The following RBM19 variants were observed in gnomAD, a reference collection of about 807,000 sequenced individuals.
The protein encoded by RBM19 is probable RNA-binding protein 19.
Under a neutral mutation model 116.8 loss-of-function variants are expected in RBM19, and 94 were observed. The observed-to-expected ratio is 0.80, with a 90% CI of 0.68 to 0.95. The LOEUF (loss-of-function observed/expected upper bound fraction) is 0.95. Ranked by LOEUF, RBM19 falls within the 40% of genes least tolerant of loss-of-function variation. RBM19 has a pLI of 0.00. For synonymous variants in RBM19, 475 were observed against 494.1 expected, an observed-to-expected ratio of 0.96 and a Z score of 0.51; for missense variants, 1,161 against 1,220.7, an observed-to-expected ratio of 0.95 and a Z score of 0.73.
At chr12:113,899,094 T>A (rs1228212444) in intron 21 of RBM19, among the ~76,000 whole-genome samples, 2 of 152,226 alleles carry the variant, frequency 1.3e-5, no homozygotes, top group Admixed American at 1.3e-4. Flanking sequence ...TTGCTCAAGT[T>A]TGAGAAACAC....
At position 113,952,585 on chromosome 12, in the gene RBM19, A is replaced by G. The variant is rs1566039401; in HGVS notation, c.927T>C (p.Asn309=). The change falls in exon 8 of 24, where the codon AAT becomes AAC. Residue 309 remains asparagine (N), a synonymous_variant. Coordinates refer to ENST00000261741, the MANE Select transcript of RBM19 (RefSeq NM_016196.4). ...TCAGGGGTGCCAGGAATTCCATAAC[A>G]TTTTTCTGTGAGAAGAAGTTTTTTT... The part of the protein sequence containing the change: ...RGAPFNVTEK[N]VMEFLAPLKP... The G allele has an allele frequency of 6.2e-7, 1 of 1,613,732 alleles. No homozygotes were observed. Among genetic ancestry groups the G allele is most frequent in the East Asian group, 2.2e-5 (1 of 44,874 alleles).
chr12:113,923,714 C>A (rs1170706052), intron 18 of RBM19, among the ~76,000 whole-genome samples: 1 of 152,238 alleles, frequency 6.6e-6, no homozygotes, highest in South Asian at 2.1e-4. Flanking sequence ...CTGCCCCCCA[C>A]CCCTCCCAGC....
chr12:113,948,751 G>A (rs988612296), intron 10 of RBM19, 82 bp downstream of exon 10: 11 of 1,421,132 alleles, frequency 7.7e-6, no homozygotes, highest in Admixed American at 1.9e-5. Flanking sequence ...GTGCACACTG[G>A]GACTTGAACC....
At chr12:113,895,645 C>G (rs956405200) in intron 21 of RBM19, among the ~76,000 whole-genome samples, 1 of 152,142 alleles carries the variant, frequency 6.6e-6, no homozygotes, top group African/African-American at 2.4e-5. Context: ...GAAGGAGATT[C>G]GCAAATGAGT....
intron 16 of RBM19, among the ~76,000 whole-genome samples, chr12:113,930,586 C>G (rs777422646): frequency 1.3e-5 from 2 of 152,236 alleles, no homozygotes; most frequent in Non-Finnish European, 2.9e-5. Flanking sequence ...TGGGGCTCAC[C>G]TGGCATCTCC....
chr12:113,855,863 G>C (rs1459820703), intron 22 of RBM19, among the ~76,000 whole-genome samples: 1 of 152,216 alleles, frequency 6.6e-6, no homozygotes, highest in Non-Finnish European at 1.5e-5. Flanking sequence ...GATTCTACGG[G>C]TCAGTGGAGA....
chr12:113,891,455 C>T (rs1165891932), intron 21 of RBM19, among the ~76,000 whole-genome samples: 1 of 152,216 alleles, frequency 6.6e-6, no homozygotes, highest in Non-Finnish European at 1.5e-5. Context: ...GAGACTCAGG[C>T]AGATCTTAAA....
At chr12:113,841,581 G>A (rs1387176281) in intron 23 of RBM19, among the ~76,000 whole-genome samples, 2 of 152,052 alleles carry the variant, frequency 1.3e-5, no homozygotes, top group Non-Finnish European at 2.9e-5. Context: ...GCGCCACCAA[G>A]CCTGGCTATT....
At position 113,937,021 on chromosome 12, in the gene RBM19, G is replaced by A; in HGVS notation, c.2054C>T (p.Ala685Val). The change falls in exon 16 of 24, where the codon GCA becomes GTA. Residue 685 changes from alanine (A) to valine (V), a missense_variant. Transcript: ENST00000261741. ...TPSEPMEKDP[A>V]EPETVPDGET... is the part of the protein sequence containing the mutation. Reference sequence around the variant, plus strand: ...TCAGCTCTTACCTGTTTCTGGCTCTGCTGGGTCCTTTTCCATGGGTTCTGA... The same window carrying A: ...TCAGCTCTTACCTGTTTCTGGCTCTACTGGGTCCTTTTCCATGGGTTCTGA... 6 of 1,614,042 alleles carry A rather than the reference G, an allele frequency of 3.7e-6. No homozygotes were observed. The highest frequency in any genetic ancestry group is 4.2e-6 in the Non-Finnish European group (5 of 1,179,994).
chr12:113,875,951 G>A (rs114191144), intron 21 of RBM19, among the ~76,000 whole-genome samples: 2,157 of 149,324 alleles, frequency 0.014, 53 homozygotes, highest in African/African-American at 0.051. Context: ...GGAAGATGGG[G>A]AAGTGTGGTC....
chr12:113,881,247 C>CGTTGTGG lies in RBM19; in HGVS notation c.2559-22358_2559-22352dup, dbSNP rs775415516. 1.4e-3 allele frequency among the ~76,000 whole-genome samples: 208 copies of CGTTGTGG among 152,262 alleles called. 1 individual carries two copies. Among genetic ancestry groups the CGTTGTGG allele is most frequent in the Non-Finnish European group, 2.6e-3 (176 of 68,020 alleles). ...ACAGGTACAGTTGCCATGATACGGC[C>CGTTGTGG]GTTGTGGTAATTTAGCCTCAGAGCT... On this transcript the variant is annotated intron_variant, in intron 21 of 23. Coordinates refer to ENST00000261741, the MANE Select transcript of RBM19 (RefSeq NM_016196.4).
At chr12:113,877,154 GT>G (rs1879729427) in intron 21 of RBM19, among the ~76,000 whole-genome samples, 1 of 152,242 alleles carries the variant, frequency 6.6e-6, no homozygotes. Flanking sequence ...TCTCTAGGGT[GT>G]GGAGGTGATT....
intron 10 of RBM19, among the ~76,000 whole-genome samples, chr12:113,947,982 G>T (rs1871181927): frequency 6.6e-6 from 1 of 152,186 alleles, no homozygotes. Flanking sequence ...TGTAAGCCGG[G>T]ATGCCAGCCT....
chr12:113,940,310 C>T, intron 14 of RBM19, 150 bp from the exon 15 acceptor site: 1 of 774,846 alleles, frequency 1.3e-6, no homozygotes. Context: ...GGAGGAACGA[C>T]CCTCTCTGGC....
intron 23 of RBM19, among the ~76,000 whole-genome samples, chr12:113,839,451 T>C (rs1305238454): frequency 6.6e-6 from 1 of 152,178 alleles, no homozygotes; most frequent in African/African-American, 2.4e-5. Context: ...ACTTTCCCAA[T>C]CCAGTGTCAC....
intron 21 of RBM19, among the ~76,000 whole-genome samples, chr12:113,907,038 TC>T (rs994665211): frequency 4.6e-5 from 7 of 151,872 alleles, no homozygotes; most frequent in Non-Finnish European, 8.8e-5. Flanking sequence ...CGAGGAAGGA[TC>T]CCCCCTGCAG....
rs573521652 is a variant in RBM19 at position 113,845,954 on chromosome 12, T to C, written c.2665-1166A>G. ...TATCCATAAAACGGGTATGTTCATATATGCCAATCTCAAGGGTTCTAGGGA... is the reference window on the plus strand; with the variant it reads ...TATCCATAAAACGGGTATGTTCATACATGCCAATCTCAAGGGTTCTAGGGA... On this transcript the variant is annotated intron_variant, in intron 22 of 23. Coordinates refer to ENST00000261741, the MANE Select transcript of RBM19 (RefSeq NM_016196.4). 2.0e-5 allele frequency among the ~76,000 whole-genome samples: 3 copies of C among 152,368 alleles called. No individual in the cohort carries two copies. The South Asian group carries it at 6.2e-4, about 32-fold the overall frequency.
Position 113,942,362 on chromosome 12 carries a change from GA to G in RBM19, c.1698del (p.Leu567SerfsTer2). The G allele has an allele frequency of 6.2e-7, 1 of 1,609,004 alleles. No individual in the cohort carries two copies. On this transcript the variant is annotated frameshift_variant, in exon 14 of 24. Transcript: ENST00000261741. LOFTEE classifies it high-confidence loss of function. ...TCCAGGCTGACCCCGTTGTCTATGA[GA>G]AAACGCCGCACTTCCTGGACGAGCT... ...ETQLVQEVRRFLIDNGVSLDS... is the reference protein window; with the variant it reads ...ETQLVQEVRRXLIDNGVSLDS...
rs1446730528 is a variant in RBM19, at chr12:113,855,963, A to C, written c.2664+2828T>G. 2.6e-5 allele frequency among the ~76,000 whole-genome samples: 4 copies of C among 152,350 alleles called. No homozygotes were observed. In the South Asian group the frequency reaches 8.3e-4, roughly 32 times the overall value. On this transcript the variant is annotated intron_variant, in intron 22 of 23. Coordinates refer to ENST00000261741, the MANE Select transcript of RBM19 (RefSeq NM_016196.4). ...AAAGCAATGGCAGCTTCCCTAGGAA[A>C]CAAAAAGAGCAAAGGGATCCTTGCA...
Sources: allele counts gnomAD v4.1 joint callset (sites outside exome capture counted in the v4.1 genomes callset), GRCh38; gene constraint gnomAD v4.1.1; transcripts MANE v1.5; gene names NCBI Gene and HGNC (gene_info 2026-07-23, HGNC 2026-07-21).